Variants in ASB14 observed in about 807,000 individuals in gnomAD.
The protein encoded by ASB14 is ankyrin repeat and SOCS box protein 14.
A neutral mutation model predicts 55.6 loss-of-function variants in ASB14; 63 were observed. That is an observed-to-expected ratio of 1.13 (90% CI 0.92 to 1.40). The LOEUF (loss-of-function observed/expected upper bound fraction) is 1.40. ASB14 is among the 40% of genes most tolerant of loss of function. ASB14 has a pLI of 0.00. For missense variants in ASB14, 724 were observed against 710.4 expected (o/e 1.02, Z -0.22); for synonymous variants, 256 against 259.9 (o/e 0.98, Z 0.15).
Position 57,268,436 on chromosome 3 carries a change from A to T in ASB14, c.*1205T>A. ...CAGAAAAACAAAAAGAAATAGAGAGAGTAAAAGAGAAGCAACAGAAAGAAC... is the reference window on the plus strand; with the variant it reads ...CAGAAAAACAAAAAGAAATAGAGAGTGTAAAAGAGAAGCAACAGAAAGAAC... On this transcript the variant is annotated 3_prime_UTR_variant, in exon 11 of 11. Coordinates refer to ENST00000487349, the MANE Select transcript of ASB14 (RefSeq NM_001142733.3). The T allele has an allele frequency of 6.2e-7, 1 of 1,603,160 alleles. No individual in the cohort carries two copies. The highest frequency in any genetic ancestry group is 8.5e-7 in the Non-Finnish European group (1 of 1,173,812).
chr3:57,268,605 A>G lies in ASB14; in HGVS notation c.*1036T>C. ...CTGTTTCTGCTTGTTCAGCCACTTCATAAACAGATGATTCATACCATAGCA... is the reference window on the plus strand; with the variant it reads ...CTGTTTCTGCTTGTTCAGCCACTTCGTAAACAGATGATTCATACCATAGCA... On this transcript the variant is annotated 3_prime_UTR_variant, in exon 11 of 11. Transcript: ENST00000487349. The G allele has an allele frequency of 8.4e-7, 1 of 1,195,400 alleles. No homozygotes were observed. The highest frequency in any genetic ancestry group is 1.1e-6 in the Non-Finnish European group (1 of 887,116). The allele number at this position is 1,195,400 out of a possible 1,614,324, so 74.0% of individuals were successfully genotyped here. A position where few individuals can be genotyped will look rare whatever the true frequency, so the allele number is the denominator to read the frequency against.
intron 10 of ASB14, chr3:57,273,352 C>T (rs1018595418): frequency 6.6e-6 from 1 of 152,540 alleles, no homozygotes; most frequent in African/African-American, 2.4e-5. Flanking sequence ...GGGTGGAGAA[C>T]TTATTTTTTC....
chr3:57,286,776 A>G (rs2061083900), intron 5 of ASB14, among the ~76,000 whole-genome samples: 1 of 152,258 alleles, frequency 6.6e-6, no homozygotes, highest in East Asian at 1.9e-4. Flanking sequence ...CCTTCATTTT[A>G]GGAAATCATT....
chr3:57,268,673 AGTTACGTTGACATGTAATATGACTGTT>A lies in ASB14; in HGVS notation c.*941_*967del. Reference sequence around the variant, plus strand: ...TTTTTTGATATGATGTTTACATTATAGTTACGTTGACATGTAATATGACTGTTTCAAAAATATACCAGAACTTTAATA... The same window carrying A: ...TTTTTTGATATGATGTTTACATTATATCAAAAATATACCAGAACTTTAATA... On this transcript the variant is annotated 3_prime_UTR_variant, in exon 11 of 11. Transcript: ENST00000487349. 1 of 465,484 alleles carries A rather than the reference AGTTACGTTGACATGTAATATGACTGTT, an allele frequency of 2.1e-6. No individual in the cohort carries two copies. The highest frequency in any genetic ancestry group is 3.5e-6 in the Non-Finnish European group (1 of 289,216). The allele number at this position is 465,484 out of a possible 1,614,324, so 28.8% of individuals were successfully genotyped here. A position where few individuals can be genotyped will look rare whatever the true frequency, so the allele number is the denominator to read the frequency against.
Position 57,288,428 on chromosome 3 carries a change from A to G in ASB14, c.179-142T>C, listed in dbSNP as rs941137355. 8.1e-4 allele frequency: 765 copies of G among 941,188 alleles called. 10 individuals carry two copies. The highest frequency in any genetic ancestry group is 1.5e-4 in the Non-Finnish European group (93 of 633,378). 58.3% of individuals were successfully genotyped at this position (941,188 alleles called of 1,614,324 possible). ...ACCTTTTATGAAAGACAAATGGCAT[A>G]TGACAGACAGTAAGGCCGGTCATGT... is the stretch of plus-strand genomic sequence containing the variant. On this transcript the variant is annotated intron_variant, in intron 3 of 10. Transcript: ENST00000487349.
chr3:57,275,825 A>G (rs1277492551), intron 10 of ASB14, among the ~76,000 whole-genome samples: 2 of 152,242 alleles, frequency 1.3e-5, no homozygotes, highest in African/African-American at 2.4e-5. Flanking sequence ...ACTGTACTGA[A>G]TAGGCAATTA....
intron 1 of ASB14, among the ~76,000 whole-genome samples, 168 bp downstream of exon 1, chr3:57,292,465 C>G (rs2061141590): frequency 6.6e-6 from 1 of 152,114 alleles, no homozygotes; most frequent in African/African-American, 2.4e-5. Context: ...ACTTAATATA[C>G]ATTAAAAATA....
intron 5 of ASB14, 139 bp downstream of exon 5, chr3:57,287,762 G>C: frequency 2.1e-6 from 2 of 954,486 alleles, no homozygotes; most frequent in South Asian, 3.6e-5. Context: ...AAAGCTTCTG[G>C]AGGGTCGGTA....
rs1358223462 is a variant in ASB14 at position 57,289,104 on chromosome 3, C to T, written c.142G>A (p.Ala48Thr). 17 of 1,529,290 alleles carry T rather than the reference C, an allele frequency of 1.1e-5. No homozygotes were observed. The highest frequency in any genetic ancestry group is 3.9e-5 in the Admixed American group (2 of 50,888). The allele number at this position is 1,529,290 out of a possible 1,614,324, so 94.7% of individuals were successfully genotyped here. A position where few individuals can be genotyped will look rare whatever the true frequency, so the allele number is the denominator to read the frequency against. ...GTTTCAACTATCTTCTTATAGTCAG[C>T]GCTCAAAAAGGAATGCAAACTGCAA... Reference protein sequence around the residue: ...KDESLHSFLSADYKKIVETIE... With the variant: ...KDESLHSFLSTDYKKIVETIE... Residue 48 changes from alanine to threonine, a missense_variant, in exon 3 of 11, where the codon GCT (alanine) becomes ACT (threonine). Transcript: ENST00000487349.
chr3:57,284,122 G>GTGTGTGTGTGTGTGTGTGTGTGTA (rs945228754), intron 5 of ASB14, among the ~76,000 whole-genome samples: 4 of 150,708 alleles, frequency 2.7e-5, no homozygotes, highest in South Asian at 2.1e-4. Context: ...GTGTGTGTGT[G>GTGTGTGTGTGTGTGTGTGTGTGTA]TGTATGTATG....
chr3:57,275,137 C>T (rs1206066370), intron 10 of ASB14, among the ~76,000 whole-genome samples: 1 of 152,096 alleles, frequency 6.6e-6, no homozygotes, highest in Non-Finnish European at 1.5e-5. Flanking sequence ...TGTGTGGTTT[C>T]AGTTACCTGC....
intron 2 of ASB14, 127 bp from the exon 3 acceptor site, chr3:57,289,250 G>A (rs2061109238): frequency 3.1e-6 from 2 of 647,288 alleles, no homozygotes; most frequent in South Asian, 1.9e-5. Flanking sequence ...AGGAGGCAAT[G>A]ACTGAGGCAT....
At position 57,280,356 on chromosome 3, in the gene ASB14, G is replaced by C; in HGVS notation, c.833C>G (p.Pro278Arg). The C allele has an allele frequency of 6.4e-7, 1 of 1,551,168 alleles. No individual in the cohort carries two copies. Among genetic ancestry groups the C allele is most frequent in the East Asian group, 2.4e-5 (1 of 40,906 alleles). ...LLEYGADANI[P>R]KNSGHLPIHV... ...GATGGGCAGGTGGCCTGAATTCTTAGGGATGTTGGCATCAGCTCCATACTC... is the reference window on the plus strand; with the variant it reads ...GATGGGCAGGTGGCCTGAATTCTTACGGATGTTGGCATCAGCTCCATACTC... The change falls in exon 7 of 11, where the codon CCT becomes CGT. Residue 278 changes from proline (P) to arginine (R), a missense_variant. By Grantham distance (103) the Pro-to-Arg change is moderately radical (BLOSUM62 -2). Coordinates refer to ENST00000487349, the MANE Select transcript of ASB14 (RefSeq NM_001142733.3).
Position 57,278,845 on chromosome 3 carries a change from T to TCA in ASB14, c.962_963insTG (p.Ala322GlufsTer20). ...GGCACTGAGGATGTGCTCCTGCTGC[T>TCA]GCACAGTGAACTGGACTGATCCCAC... On this transcript the variant is annotated frameshift_variant, in exon 8 of 11. Coordinates refer to ENST00000487349, the MANE Select transcript of ASB14 (RefSeq NM_001142733.3). LOFTEE classifies it high-confidence loss of function. 1.2e-6 allele frequency: 2 copies of TCA among 1,613,800 alleles called. No individual in the cohort carries two copies. Among genetic ancestry groups the TCA allele is most frequent in the Middle Eastern group, 1.7e-4 (1 of 6,054 alleles).
Position 57,291,912 on chromosome 3 carries a change from C to T in ASB14, c.122G>A (p.Ser41Asn), listed in dbSNP as rs2061135072. The change falls in exon 2 of 11, where the codon AGT (serine) becomes AAT (asparagine). Residue 41 changes from serine (S) to asparagine (N), a missense_variant and splice_region_variant. Physicochemically the swap from Ser to Asn is conservative, Grantham distance 46 (BLOSUM62 1). Coordinates refer to ENST00000487349, the MANE Select transcript of ASB14 (RefSeq NM_001142733.3). ...ATATTGCCGATGAGAAAACCATTAC[C>T]TCTCATCCTTAGGTGCATGTTGTGC... ...GTAQHAPKDE[S>N]LHSFLSADYK... The T allele has an allele frequency of 6.5e-7, 1 of 1,531,476 alleles. No homozygotes were observed. Among genetic ancestry groups the T allele is most frequent in the East Asian group, 2.5e-5 (1 of 40,816 alleles). 94.9% of individuals were successfully genotyped at this position (1,531,476 alleles called of 1,614,324 possible).
intron 10 of ASB14, 136 bp downstream of exon 10, chr3:57,276,392 C>G (rs2060987062): frequency 3.3e-6 from 2 of 610,104 alleles, no homozygotes; most frequent in East Asian, 5.9e-5. Context: ...GTGAAGCAAT[C>G]CTCCTGCCTC....
intron 4 of ASB14, 28 bp downstream of exon 4, chr3:57,288,127 G>C: frequency 1.3e-6 from 2 of 1,535,966 alleles, no homozygotes; most frequent in Non-Finnish European, 1.7e-6. Flanking sequence ...TCTCTCAGAA[G>C]CATCAAGAAG....
Position 57,269,670 on chromosome 3 carries a change from A to G in ASB14, c.*23-52T>C, listed in dbSNP as rs1016032266. ...TGATTTGGGAGAAGGAGGAAAGAAG[A>G]GAGAATCAGAAGCATAAGCTTATAC... On this transcript the variant is annotated intron_variant, in intron 10 of 10. Transcript: ENST00000487349. 15 of 1,613,950 alleles carry G rather than the reference A, an allele frequency of 9.3e-6. No homozygotes were observed. Among genetic ancestry groups the G allele is most frequent in the Non-Finnish European group, 1.3e-5 (15 of 1,179,966 alleles).
chr3:57,282,076 G>A (rs1331483569), intron 6 of ASB14, among the ~76,000 whole-genome samples: 1 of 152,188 alleles, frequency 6.6e-6, no homozygotes, highest in Non-Finnish European at 1.5e-5. Flanking sequence ...GTAGATGAAA[G>A]ATTCCAATGT....
Sources: gnomAD v4.1 joint callset for allele counts (sites outside exome capture counted in the v4.1 genomes callset) on GRCh38, gnomAD v4.1.1 for gene constraint, MANE v1.5 for transcripts, NCBI Gene and HGNC (gene_info 2026-07-23, HGNC 2026-07-21) for gene names.